Variants in MYO7A observed in about 807,000 individuals in gnomAD.
MYO7A encodes unconventional myosin-VIIa.
MYO7A carries 210 observed loss-of-function variants against 263.8 expected under a neutral mutation model. The ratio of observed to expected loss-of-function variants is 0.80; its 90% CI spans 0.71 to 0.89. MYO7A has a LOEUF of 0.89. Ranked by LOEUF, MYO7A falls within the 40% of genes least tolerant of loss-of-function variation. MYO7A has a pLI of 0.00. For missense variants in MYO7A, 2,820 were observed against 2,968.3 expected (o/e 0.95, Z 1.16); for synonymous variants, 1,239 against 1,197.3 (o/e 1.03, Z -0.72).
Position 77,211,950 on chromosome 11 carries a change from C to T in MYO7A, c.6354+13C>T. 1 of 1,592,354 alleles carries T rather than the reference C, an allele frequency of 6.3e-7. No individual in the cohort carries two copies. Among genetic ancestry groups the T allele is most frequent in the Non-Finnish European group, 8.6e-7 (1 of 1,160,526 alleles). On this transcript the variant is annotated intron_variant, in intron 46 of 48. Coordinates refer to ENST00000409709, the MANE Select transcript of MYO7A (RefSeq NM_000260.4). ...CTTCGAGGTGAAGGTACACCATGGG[C>T]TTCTCAGAGCAGAGGAGGAGGGGAA...
At position 77,156,798 on chromosome 11, in the gene MYO7A, G is replaced by C. The variant is rs782596006; in HGVS notation, c.592+17G>C. 2 of 1,613,866 alleles carry C rather than the reference G, an allele frequency of 1.2e-6. No individual in the cohort carries two copies. The highest frequency in any genetic ancestry group is 1.7e-6 in the Non-Finnish European group (2 of 1,179,872). ...TTCTGGAAGGTAGGACCAGAGTTCC[G>C]AGGGTGGGACCAGGCAGTGGGGCGG... On this transcript the variant is annotated intron_variant, in intron 6 of 48. Coordinates refer to ENST00000409709, the MANE Select transcript of MYO7A (RefSeq NM_000260.4).
rs1455420072 is a variant in MYO7A at position 77,138,022 on chromosome 11, C to T, written c.19-4687C>T. Among the ~76,000 whole-genome samples, 2 of 152,280 alleles carry T rather than the reference C, an allele frequency of 1.3e-5. No homozygotes were observed. The highest frequency in any genetic ancestry group is 3.9e-4 in the East Asian group (2 of 5,174). On this transcript the variant is annotated intron_variant, in intron 2 of 48. Coordinates refer to ENST00000409709, the MANE Select transcript of MYO7A (RefSeq NM_000260.4). This position sits in a 1 kb window ranked among gnomAD's most constrained non-coding sequence, Gnocchi z 4.9. ...ACATGACGATTTTTTCCAAAACTGC[C>T]GTCAGGTGCGGTGCCAGGTGCCACG... is the stretch of plus-strand genomic sequence containing the variant.
chr11:77,168,031 C>T (rs782525153), intron 15 of MYO7A, among the ~76,000 whole-genome samples: 5 of 152,160 alleles, frequency 3.3e-5, no homozygotes, highest in Admixed American at 6.5e-5. Context: ...ACTGCTGAGA[C>T]GGGCGTAGCT....
intron 18 of MYO7A, among the ~76,000 whole-genome samples, chr11:77,175,999 A>G (rs1954624594): frequency 6.6e-6 from 1 of 152,220 alleles, no homozygotes; most frequent in Non-Finnish European, 1.5e-5. Flanking sequence ...GCGGAGTCAC[A>G]GCCTTGGAGA....
At chr11:77,171,232 GGTTGTGTGTGT>G (rs1409866950) in intron 15 of MYO7A, among the ~76,000 whole-genome samples, 2 of 152,172 alleles carry the variant, frequency 1.3e-5, no homozygotes, top group African/African-American at 2.4e-5. Flanking sequence ...TGCATGCTGA[GGTTGTGTGTGT>G]GTTGTGTGTG....
chr11:77,205,728 C>CAA (rs781215582), intron 40 of MYO7A, 111 bp downstream of exon 40: 3 of 1,405,426 alleles, frequency 2.1e-6, no homozygotes, highest in Non-Finnish European at 2.9e-6. Flanking sequence ...TGGGCCCACC[C>CAA]CTGGGGTACC....
intron 4 of MYO7A, among the ~76,000 whole-genome samples, chr11:77,150,399 T>C (rs1951881399): frequency 6.6e-6 from 1 of 152,092 alleles, no homozygotes; most frequent in Admixed American, 6.5e-5. Context: ...ATGGGCACAG[T>C]GAATCTTGTT....
At chr11:77,197,884 TG>T (rs1956781527) in intron 33 of MYO7A, among the ~76,000 whole-genome samples, 1 of 152,220 alleles carries the variant, frequency 6.6e-6, no homozygotes, top group Non-Finnish European at 1.5e-5. Flanking sequence ...TGCTGCTGAG[TG>T]GGTCCTGCCT....
intron 30 of MYO7A, among the ~76,000 whole-genome samples, 191 bp from the exon 31 acceptor site, chr11:77,191,860 T>C (rs1238366267): frequency 6.6e-6 from 1 of 152,210 alleles, no homozygotes. Flanking sequence ...GAACTGAGGC[T>C]AGGAAGGCAA....
intron 46 of MYO7A, 152 bp from the exon 47 acceptor site, chr11:77,212,800 G>A: frequency 1.5e-6 from 1 of 676,586 alleles, no homozygotes; most frequent in Non-Finnish European, 2.6e-6. Flanking sequence ...CCCAGCGGAG[G>A]TGGAAGCCAT....
rs541139673 is a variant in MYO7A at position 77,179,812 on chromosome 11, G to T, written c.2445G>T (p.Gln815His). The T allele has an allele frequency of 5.2e-6, 8 of 1,547,648 alleles. No individual in the cohort carries two copies. The African/African-American group carries it at 1.1e-4, about 21-fold the overall frequency. Residue 815 changes from glutamine to histidine, a missense_variant, in exon 21 of 49, where the codon CAG (glutamine) becomes CAT (histidine). Transcript: ENST00000409709. The part of the protein sequence containing the change: ...KLHQQYRLAR[Q>H]RIIQFQARCR... ...ACCAGCAGTACCGCCTGGCCCGCCA[G>T]CGCATCATCCAGTTCCAGGCCCGCT...
intron 27 of MYO7A, among the ~76,000 whole-genome samples, chr11:77,185,212 G>A (rs1555087749): frequency 6.6e-6 from 1 of 152,164 alleles, no homozygotes. Context: ...TGAAGGTCGA[G>A]GTGGCTGCGA....
In MYO7A at chr11:77,203,047, T is replaced by G; in HGVS notation, c.5169-13T>G. 2 of 1,547,410 alleles carry G rather than the reference T, an allele frequency of 1.3e-6. No individual in the cohort carries two copies. The highest frequency in any genetic ancestry group is 1.7e-6 in the Non-Finnish European group (2 of 1,146,414). On this transcript the variant is annotated splice_polypyrimidine_tract_variant and intron_variant, in intron 37 of 48. Transcript: ENST00000409709. The stretch of plus-strand genomic sequence containing the variant: ...GCGATGGGGCGTTGCTGACGGTCCC[T>G]GTGCTGCGGCAGGCCCCCACCCAAG...
In MYO7A at chr11:77,194,461, C is replaced by T. The variant is rs757844017; in HGVS notation, c.4260C>T (p.Arg1420=). The change falls in exon 32 of 49, where the codon CGC becomes CGT. Residue 1420 remains arginine (R), a synonymous_variant. Coordinates refer to ENST00000409709, the MANE Select transcript of MYO7A (RefSeq NM_000260.4). ...LNLVPTYIPD[R]EITPLKTLEK... is the part of the protein sequence containing the mutation. ...TCGTGCCCACCTACATCCCCGACCG[C>T]GAGATCACGCCCCTGAAGACGCTGG... The T allele has an allele frequency of 3.4e-5, 54 of 1,609,930 alleles. No homozygotes were observed. Among genetic ancestry groups the T allele is most frequent in the African/African-American group, 8.0e-5 (6 of 74,812 alleles).
intron 19 of MYO7A, 41 bp from the exon 20 acceptor site, chr11:77,179,003 GC>G: frequency 1.3e-6 from 2 of 1,521,390 alleles, no homozygotes; most frequent in Non-Finnish European, 8.9e-7. Context: ...TACCCTGGCT[GC>G]CTCTGGACAC....
intron 27 of MYO7A, 110 bp downstream of exon 27, chr11:77,184,825 G>A (rs950867171): frequency 6.6e-6 from 10 of 1,516,980 alleles, no homozygotes; most frequent in South Asian, 1.2e-5. Context: ...GTTTGGCTTC[G>A]CTGCTAGCTA....
intron 32 of MYO7A, among the ~76,000 whole-genome samples, chr11:77,195,398 C>A (rs1035449724): frequency 1.3e-5 from 2 of 152,146 alleles, no homozygotes; most frequent in East Asian, 3.9e-4. Context: ...TCCTCAGGCA[C>A]CTCCTCTCCC....
chr11:77,190,715 C>G lies in MYO7A; in HGVS notation c.3769C>G (p.Pro1257Ala), dbSNP rs1279878245. 6.3e-7 allele frequency: 1 copy of G among 1,596,404 alleles called. No individual in the cohort carries two copies. Among genetic ancestry groups the G allele is most frequent in the Non-Finnish European group, 8.5e-7 (1 of 1,172,078 alleles). The change falls in exon 30 of 49, where the codon CCA (proline) becomes GCA (alanine). Residue 1257 changes from proline to alanine, a missense_variant. By Grantham distance (27) the Pro-to-Ala change is conservative. Coordinates refer to ENST00000409709, the MANE Select transcript of MYO7A (RefSeq NM_000260.4). ...LELQATKSKKPIMLPVTFMDG... is the reference protein window; with the variant it reads ...LELQATKSKKAIMLPVTFMDG... ...CTTCCAGGCCACCAAGTCCAAGAAG[C>G]CAATCATGTTGCCCGTGACATTCAT...
At chr11:77,205,873 C>G (rs920391859) in intron 40 of MYO7A, among the ~76,000 whole-genome samples, 2 of 152,192 alleles carry the variant, frequency 1.3e-5, no homozygotes, top group East Asian at 3.9e-4. Flanking sequence ...CCACTTCATA[C>G]TCTCCGAGGG....
Sources: allele counts gnomAD v4.1 joint callset (sites outside exome capture counted in the v4.1 genomes callset), GRCh38; gene constraint gnomAD v4.1.1; non-coding constraint Gnocchi (gnomAD v3.1); transcripts MANE v1.5; gene names NCBI Gene and HGNC (gene_info 2026-07-23, HGNC 2026-07-21).